VIT: variants seen among roughly 807,000 people sequenced by gnomAD.
VIT encodes the protein vitrin.
Under a neutral mutation model 78.0 loss-of-function variants are expected in VIT, and 99 were observed. The ratio of observed to expected loss-of-function variants is 1.27; its 90% CI spans 1.08 to 1.50. The LOEUF (loss-of-function observed/expected upper bound fraction) is 1.50, where lower values mean the gene tolerates loss of function less well. Ranked by LOEUF, VIT falls within the 40% of genes most tolerant of loss-of-function variation. VIT has a pLI of 0.00. For missense variants in VIT, 1,126 were observed against 875.3 expected (o/e 1.29, Z -3.61); for synonymous variants, 374 against 334.3 (o/e 1.12, Z -1.29).
intron 2 of VIT, among the ~76,000 whole-genome samples, chr2:36,726,343 T>C (rs537640663): frequency 2.0e-4 from 30 of 152,348 alleles, no homozygotes; most frequent in African/African-American, 6.0e-4. Flanking sequence ...AAATAAGTTA[T>C]TGAACATTGT....
At chr2:36,787,911 C>G (rs1454183430) in intron 12 of VIT, 2 of 434,558 alleles carry the variant, frequency 4.6e-6, no homozygotes, top group South Asian at 3.3e-5. Context: ...TATTATTATA[C>G]TTAGGATAGA....
Position 36,808,541 on chromosome 2 carries a change from C to G in VIT, c.1459C>G (p.Gln487Glu). The G allele has an allele frequency of 1.2e-6, 2 of 1,614,068 alleles. No homozygotes were observed. Among genetic ancestry groups the G allele is most frequent in the Non-Finnish European group, 1.7e-6 (2 of 1,180,024 alleles). ...QSWFGLHKTL[Q>E]PLVKRVCDTD... Reference sequence around the variant, plus strand: ...CTGGTTTGGCCTCCACAAGACCCTGCAGCCTCTGGTGAAGCGGGTCTGCGA... The same window carrying G: ...CTGGTTTGGCCTCCACAAGACCCTGGAGCCTCTGGTGAAGCGGGTCTGCGA... Residue 487 changes from glutamine (Q) to glutamate (E), a missense_variant, in exon 15 of 16, where the codon CAG (glutamine) becomes GAG (glutamate). By Grantham distance (29) the Gln-to-Glu change is conservative (BLOSUM62 2). Coordinates refer to ENST00000379242, the MANE Select transcript of VIT (RefSeq NM_053276.4).
intron 3 of VIT, among the ~76,000 whole-genome samples, chr2:36,731,580 G>C (rs925123248): frequency 6.6e-6 from 1 of 152,032 alleles, no homozygotes; most frequent in Non-Finnish European, 1.5e-5. Context: ...GCCATGTCTT[G>C]ATTTTAAACA....
chr2:36,787,243 C>G lies in VIT; in HGVS notation c.1025C>G (p.Pro342Arg), dbSNP rs750566969. The G allele has an allele frequency of 1.2e-6, 2 of 1,614,106 alleles. No individual in the cohort carries two copies. The highest frequency in any genetic ancestry group is 1.7e-6 in the Non-Finnish European group (2 of 1,179,962). ...GTTGCCCAAGCTCTTGACATTGGCC[C>G]TGCCGGTCCACTGATGGGTGTTGTC... is the stretch of plus-strand genomic sequence containing the variant. ...ADVAQALDIG[P>R]AGPLMGVVQY... The change falls in exon 12 of 16, where the codon CCT (proline) becomes CGT (arginine). Residue 342 changes from proline to arginine, a missense_variant. Physicochemically the swap from Pro to Arg is moderately radical, Grantham distance 103. Coordinates refer to ENST00000379242, the MANE Select transcript of VIT (RefSeq NM_053276.4).
chr2:36,791,061 T>G (rs994148131), intron 12 of VIT, among the ~76,000 whole-genome samples: 1 of 152,172 alleles, frequency 6.6e-6, no homozygotes, highest in Non-Finnish European at 1.5e-5. Context: ...TGGAACATAA[T>G]TGCACACGTT....
chr2:36,743,070 T>G (rs1255549482), intron 3 of VIT, 30 bp from the exon 4 acceptor site: 1 of 1,612,616 alleles, frequency 6.2e-7, no homozygotes, highest in Non-Finnish European at 8.5e-7. Flanking sequence ...TAGCACAAGG[T>G]GTAATTTTGA....
intron 7 of VIT, among the ~76,000 whole-genome samples, chr2:36,767,993 T>C (rs1384978496): frequency 6.6e-6 from 1 of 152,228 alleles, no homozygotes; most frequent in Non-Finnish European, 1.5e-5. Flanking sequence ...GTGCCACTTT[T>C]TCCTTCCAGG....
chr2:36,782,898 T>C (rs1039331787), intron 10 of VIT, among the ~76,000 whole-genome samples: 13 of 152,228 alleles, frequency 8.5e-5, no homozygotes, highest in African/African-American at 3.1e-4. Context: ...TCTTGTGCCT[T>C]ACTCATCTTC....
chr2:36,783,464 C>T (rs748048232), intron 11 of VIT, 62 bp downstream of exon 11: 54 of 1,541,168 alleles, frequency 3.5e-5, no homozygotes, highest in Non-Finnish European at 4.6e-5. Context: ...TCTCTCCTCT[C>T]TTCCCACTCA....
At chr2:36,759,077 CT>C (rs1388161751) in intron 6 of VIT, 31 bp downstream of exon 6, 1 of 1,614,148 alleles carries the variant, frequency 6.2e-7, no homozygotes, top group South Asian at 1.1e-5. Context: ...GAATCTAAAC[CT>C]TCTGAGTCCA....
At chr2:36,757,685 C>T (rs1365180204) in intron 5 of VIT, among the ~76,000 whole-genome samples, 5 of 152,192 alleles carry the variant, frequency 3.3e-5, no homozygotes, top group Non-Finnish European at 7.3e-5. Flanking sequence ...AGCCCAAACA[C>T]GTGGCATTTA....
intron 2 of VIT, among the ~76,000 whole-genome samples, chr2:36,725,820 C>T (rs1666807487): frequency 6.6e-6 from 1 of 152,066 alleles, no homozygotes; most frequent in Admixed American, 6.6e-5. Context: ...GCCTGTAATC[C>T]CAGCACTTTG....
At chr2:36,768,426 CG>C (rs1293610156) in intron 7 of VIT, among the ~76,000 whole-genome samples, 1 of 152,064 alleles carries the variant, frequency 6.6e-6, no homozygotes, top group African/African-American at 2.4e-5. Flanking sequence ...AAAGAGACTC[CG>C]TTTCAATAAA....
chr2:36,719,353 G>T (rs1022980113), intron 2 of VIT, among the ~76,000 whole-genome samples: 1 of 152,094 alleles, frequency 6.6e-6, no homozygotes, highest in Non-Finnish European at 1.5e-5. Flanking sequence ...ATTAGACAAG[G>T]AAAGGAAATA....
Position 36,767,266 on chromosome 2 carries a change from C to A in VIT, c.660C>A (p.Gly220=). The stretch of plus-strand genomic sequence containing the variant: ...GCATCCCCAGACCACAATCAGTGGG[C>A]CACAGGAGCCAGGAGATGGGTCAGT... The part of the protein sequence containing the change: ...TTSIPRPQSV[G]HRSQEMDLWS... The change falls in exon 7 of 16, where the codon GGC becomes GGA. Residue 220 remains glycine (G), a synonymous_variant. Transcript: ENST00000379242. The A allele has an allele frequency of 1.3e-6, 2 of 1,573,932 alleles. No homozygotes were observed. Among genetic ancestry groups the A allele is most frequent in the South Asian group, 1.2e-5 (1 of 84,106 alleles).
intron 12 of VIT, among the ~76,000 whole-genome samples, chr2:36,800,769 G>T (rs1421532391): frequency 6.6e-6 from 1 of 152,182 alleles, no homozygotes; most frequent in African/African-American, 2.4e-5. Flanking sequence ...AATAGATGTT[G>T]ACCTTCTAGA....
rs764630861 is a variant in VIT at position 36,808,867 on chromosome 2, C to T, written c.1785C>T (p.Phe595=). The T allele has an allele frequency of 1.2e-6, 2 of 1,614,184 alleles. No individual in the cohort carries two copies. The highest frequency in any genetic ancestry group is 1.7e-5 in the Admixed American group (1 of 60,026). The change falls in exon 15 of 16, where the codon TTC becomes TTT. Residue 595 remains phenylalanine, a synonymous_variant. Transcript: ENST00000379242. ...GGTSTGAAIN[F]ALEQLFKKSK... is the part of the protein sequence containing the mutation. ...CCAGCACGGGGGCTGCCATCAACTT[C>T]GCCCTGGAGCAGCTCTTCAAGAAGT...
At chr2:36,807,357 C>A (rs1219401366) in intron 14 of VIT, among the ~76,000 whole-genome samples, 1 of 152,086 alleles carries the variant, frequency 6.6e-6, no homozygotes, top group Middle Eastern at 3.2e-3. Context: ...TTCAGTCCAG[C>A]TAGTCTCCCA....
intron 11 of VIT, among the ~76,000 whole-genome samples, chr2:36,786,077 T>C (rs2160332): frequency 0.027 from 4,071 of 152,128 alleles, 170 homozygotes; most frequent in African/African-American, 0.093. Flanking sequence ...GAGGTGCAGG[T>C]CCGTCTGGCC....
Sources: allele counts gnomAD v4.1 joint callset (sites outside exome capture counted in the v4.1 genomes callset), GRCh38; gene constraint gnomAD v4.1.1; transcripts MANE v1.5; gene names NCBI Gene and HGNC (gene_info 2026-07-23, HGNC 2026-07-21).